Variants in VPS50 observed in about 807,000 individuals in gnomAD.
VPS50 encodes VPS50 subunit of EARP/GARPII complex, also known as syndetin.
In VPS50, 70 loss-of-function variants were observed where a neutral mutation model predicts 139.7. That is an observed-to-expected ratio of 0.50 (90% CI 0.41 to 0.61). The LOEUF (loss-of-function observed/expected upper bound fraction) is 0.61, where lower values mean the gene tolerates loss of function less well. Ranked by LOEUF, VPS50 falls within the 20% of genes least tolerant of loss-of-function variation. The probability of loss-of-function intolerance (pLI) is 0.00; values close to 1 mark genes in which losing one functional copy is unlikely to be tolerated. For synonymous variants in VPS50, 365 were observed against 376.7 expected, an observed-to-expected ratio of 0.97 and a Z score of 0.36; for missense variants, 921 against 1,133.7, an observed-to-expected ratio of 0.81 and a Z score of 2.69.
At chr7:93,334,273 T>C (rs1239985466) in intron 22 of VPS50, 76 bp downstream of exon 22, 1 of 830,296 alleles carries the variant, frequency 1.2e-6, no homozygotes, top group Non-Finnish European at 2.0e-6. Context: ...TTCATATAAA[T>C]GTGTGTCTAT....
At position 93,284,550 on chromosome 7, in the gene VPS50, T is replaced by C. The variant is rs527782580; in HGVS notation, c.943-7153T>C. Among the ~76,000 whole-genome samples the C allele has an allele frequency of 2.6e-5, 4 of 152,330 alleles. 1 individual carries two copies. The highest frequency in any genetic ancestry group is 9.6e-5 in the African/African-American group (4 of 41,574). On this transcript the variant is annotated intron_variant, in intron 12 of 27. Coordinates refer to ENST00000305866, the MANE Select transcript of VPS50 (RefSeq NM_017667.4). ...ACATATTACATGTCTTATGTGTATA[T>C]ACATATTTAGCATTAATGATAAAAT...
Position 93,258,348 on chromosome 7 carries a change from T to A in VPS50, c.541-9T>A, listed in dbSNP as rs756724528. 2 of 1,612,760 alleles carry A rather than the reference T, an allele frequency of 1.2e-6. No homozygotes were observed. The highest frequency in any genetic ancestry group is 1.7e-6 in the Non-Finnish European group (2 of 1,179,164). On this transcript the variant is annotated splice_polypyrimidine_tract_variant and intron_variant, in intron 7 of 27. Coordinates refer to ENST00000305866, the MANE Select transcript of VPS50 (RefSeq NM_017667.4). ...AAACAGATTTTACCTTTGATTTTTG[T>A]TTTTTCAGCAAAGAACAGATGTACG...
At chr7:93,339,256 C>T (rs1798147439) in intron 22 of VPS50, among the ~76,000 whole-genome samples, 1 of 150,682 alleles carries the variant, frequency 6.6e-6, no homozygotes, top group Non-Finnish European at 1.5e-5. Context: ...CAGTTATTCC[C>T]CAACTAACTT....
chr7:93,342,386 C>T (rs1222221716), intron 23 of VPS50, among the ~76,000 whole-genome samples: 1 of 152,210 alleles, frequency 6.6e-6, no homozygotes, highest in Non-Finnish European at 1.5e-5. Context: ...TGCAAGGCGG[C>T]AGTGACGCTG....
chr7:93,357,987 C>T (rs1236215811), intron 27 of VPS50, among the ~76,000 whole-genome samples: 1 of 151,954 alleles, frequency 6.6e-6, no homozygotes, highest in African/African-American at 2.4e-5. Flanking sequence ...ATTTTGATGA[C>T]TCAATAACAA....
intron 21 of VPS50, among the ~76,000 whole-genome samples, chr7:93,333,251 T>C (rs186954342): frequency 1.7e-4 from 26 of 152,176 alleles, no homozygotes; most frequent in African/African-American, 6.0e-4. Context: ...CTCTGACACG[T>C]GTAAATAATT....
intron 20 of VPS50, among the ~76,000 whole-genome samples, chr7:93,316,658 A>AC (rs1797437934): frequency 2.0e-5 from 3 of 152,170 alleles, no homozygotes; most frequent in Admixed American, 2.0e-4. Flanking sequence ...TGAGAGGAAG[A>AC]CCAAGTTTTC....
rs1364799428 is a variant in VPS50 at position 93,271,128 on chromosome 7, A to G, written c.660-92A>G. Reference sequence around the variant, plus strand: ...TACGATCTATACTCTTAATCTTTGAATTTATGGATTAATTATTCAGTTAGT... The same window carrying G: ...TACGATCTATACTCTTAATCTTTGAGTTTATGGATTAATTATTCAGTTAGT... On this transcript the variant is annotated intron_variant, in intron 9 of 27. Coordinates refer to ENST00000305866, the MANE Select transcript of VPS50 (RefSeq NM_017667.4). 3.6e-5 allele frequency: 53 copies of G among 1,489,984 alleles called. No homozygotes were observed. The East Asian group carries it at 1.3e-3, about 36-fold the overall frequency. The allele number at this position is 1,489,984 out of a possible 1,614,324, so 92.3% of individuals were successfully genotyped here.
At chr7:93,294,731 T>C (rs1411790970) in intron 14 of VPS50, 95 bp downstream of exon 14, 1 of 891,916 alleles carries the variant, frequency 1.1e-6, no homozygotes, top group Non-Finnish European at 1.7e-6. Flanking sequence ...ATATATGTAT[T>C]CTTTGCAGAT....
Position 93,310,769 on chromosome 7 carries a change from C to G in VPS50, c.1749-397C>G, listed in dbSNP as rs182878612. The stretch of plus-strand genomic sequence containing the variant: ...TTTTACTTTTCTTTTGAACCTTATG[C>G]TGCCCCGTAACCCCAAATACTGCCA... On this transcript the variant is annotated intron_variant, in intron 19 of 27. Transcript: ENST00000305866. Among the ~76,000 whole-genome samples the G allele has an allele frequency of 5.5e-4, 83 of 152,084 alleles. 1 individual carries two copies. The highest frequency in any genetic ancestry group is 1.9e-3 in the African/African-American group (79 of 41,492).
rs762995862 is a variant in VPS50, at chr7:93,258,293, TA to T, written c.540+24del. On this transcript the variant is annotated intron_variant, in intron 7 of 27. Coordinates refer to ENST00000305866, the MANE Select transcript of VPS50 (RefSeq NM_017667.4). ...AAAACATTGGTATATATGGGTCATT[TA>T]AAAAAATTAAAACTGAATTTTGTGG... 58 of 1,582,698 alleles carry T rather than the reference TA, an allele frequency of 3.7e-5. No individual in the cohort carries two copies. Among genetic ancestry groups the T allele is most frequent in the Non-Finnish European group, 4.4e-5 (51 of 1,152,316 alleles).
chr7:93,258,717 G>A (rs1795571033), intron 8 of VPS50, among the ~76,000 whole-genome samples: 1 of 152,018 alleles, frequency 6.6e-6, no homozygotes, highest in Admixed American at 6.5e-5. Context: ...TAAGGAATGT[G>A]TGATACTTTA....
chr7:93,346,734 C>G (rs1458724695), intron 23 of VPS50, among the ~76,000 whole-genome samples: 5 of 144,876 alleles, frequency 3.5e-5, no homozygotes, highest in Admixed American at 2.8e-4. Flanking sequence ...AAAGGATTCC[C>G]TATTTAATAA....
chr7:93,284,940 A>T (rs199690540), intron 12 of VPS50, among the ~76,000 whole-genome samples: 2 of 152,198 alleles, frequency 1.3e-5, no homozygotes, highest in East Asian at 3.8e-4. Context: ...AGAAGTAATT[A>T]GATATTGGAG....
At chr7:93,305,191 C>T (rs1405656155) in intron 17 of VPS50, among the ~76,000 whole-genome samples, 4 of 151,796 alleles carry the variant, frequency 2.6e-5, no homozygotes, top group Non-Finnish European at 4.4e-5. Flanking sequence ...GCACTGAATC[C>T]CTTCAGACTG....
chr7:93,315,861 A>G (rs1392621309), intron 20 of VPS50, among the ~76,000 whole-genome samples: 5 of 144,556 alleles, frequency 3.5e-5, no homozygotes, highest in Non-Finnish European at 6.0e-5. Context: ...TTGAGTCACT[A>G]CTTTGTTTCT....
intron 1 of VPS50, 116 bp downstream of exon 1, chr7:93,232,616 T>G: frequency 1.1e-6 from 1 of 930,466 alleles, no homozygotes; most frequent in Non-Finnish European, 1.7e-6. Context: ...GTGGCAGGTG[T>G]CAGGGGGACT....
In VPS50 at chr7:93,297,232, G is replaced by A. The variant is rs1429806627; in HGVS notation, c.1350G>A (p.Lys450=). The change falls in exon 16 of 28, where the codon AAG becomes AAA. Residue 450 remains lysine (K), a synonymous_variant. Transcript: ENST00000305866. ...GAAAACAAAGTGTCAATTATTTCAA[G>A]AATTACCATAGGTAAGAACTCTAAT... ...SIRKQSVNYF[K]NYHRTRLDEL... The A allele has an allele frequency of 6.4e-7, 1 of 1,552,030 alleles. No individual in the cohort carries two copies. The highest frequency in any genetic ancestry group is 8.6e-7 in the Non-Finnish European group (1 of 1,161,070).
intron 12 of VPS50, among the ~76,000 whole-genome samples, chr7:93,277,654 C>T (rs1271328255): frequency 1.3e-5 from 2 of 152,050 alleles, no homozygotes; most frequent in Non-Finnish European, 2.9e-5. Context: ...TATGTTAATA[C>T]GGCTAAAAAT....
Sources: allele counts gnomAD v4.1 joint callset (sites outside exome capture counted in the v4.1 genomes callset), GRCh38; gene constraint gnomAD v4.1.1; transcripts MANE v1.5; gene names NCBI Gene and HGNC (gene_info 2026-07-23, HGNC 2026-07-21).